Variants in AAGAB observed in about 807,000 individuals in gnomAD.
AAGAB encodes the protein alpha- and gamma-adaptin-binding protein p34.
A neutral mutation model predicts 44.1 loss-of-function variants in AAGAB; 38 were observed. That is an observed-to-expected ratio of 0.86 (90% CI 0.67 to 1.13). The LOEUF (loss-of-function observed/expected upper bound fraction) is 1.13, where lower values mean the gene tolerates loss of function less well. AAGAB is among the 50% of genes most tolerant of loss of function. The pLI is 0.00. For missense variants in AAGAB, 450 were observed against 373.8 expected (o/e 1.20, Z -1.68); for synonymous variants, 131 against 131.8 (o/e 0.99, Z 0.04).
chr15:67,203,922 T>C, intron 8 of AAGAB, 122 bp downstream of exon 8: 1 of 678,596 alleles, frequency 1.5e-6, no homozygotes, highest in South Asian at 2.2e-5. Flanking sequence ...GTAGCTAAGT[T>C]TCTCAAGACA....
At chr15:67,249,326 T>G (rs952711935) in intron 1 of AAGAB, among the ~76,000 whole-genome samples, 1 of 152,140 alleles carries the variant, frequency 6.6e-6, no homozygotes, top group Admixed American at 6.5e-5. Context: ...TGAGCCACCA[T>G]GCCTGGCCAA....
At chr15:67,228,108 T>TA (rs1964246554) in intron 5 of AAGAB, among the ~76,000 whole-genome samples, 1 of 152,216 alleles carries the variant, frequency 6.6e-6, no homozygotes, top group African/African-American at 2.4e-5. Context: ...TCCAAAGTAA[T>TA]AAAGCATGTT....
chr15:67,235,659 G>A (rs559975020), intron 4 of AAGAB, among the ~76,000 whole-genome samples: 2 of 152,264 alleles, frequency 1.3e-5, no homozygotes, highest in East Asian at 3.9e-4. Flanking sequence ...TAACTACTAC[G>A]AAGGTCTAAC....
chr15:67,214,462 T>C (rs542530604), intron 5 of AAGAB, among the ~76,000 whole-genome samples: 11 of 152,266 alleles, frequency 7.2e-5, no homozygotes, highest in African/African-American at 1.9e-4. Flanking sequence ...GGAGAATTCT[T>C]TGGTGTGTGG....
In AAGAB at chr15:67,236,388, G is replaced by A. The variant is rs1264770188; in HGVS notation, c.361+20C>T. The stretch of plus-strand genomic sequence containing the variant: ...ATGGCAAATGCATGTACCAACTACT[G>A]TCCCATCCACAGGCCTTACCATCTT... On this transcript the variant is annotated intron_variant, in intron 3 of 9. Coordinates refer to ENST00000261880, the MANE Select transcript of AAGAB (RefSeq NM_024666.5). The A allele has an allele frequency of 6.2e-7, 1 of 1,604,214 alleles. No homozygotes were observed. Among genetic ancestry groups the A allele is most frequent in the Non-Finnish European group, 8.5e-7 (1 of 1,171,288 alleles).
intron 5 of AAGAB, among the ~76,000 whole-genome samples, chr15:67,210,757 T>C (rs1054872611): frequency 2.0e-5 from 3 of 152,200 alleles, no homozygotes. Context: ...TGAGTCAGCA[T>C]CTTTAGGACA....
intron 1 of AAGAB, among the ~76,000 whole-genome samples, chr15:67,248,422 C>T (rs1202040913): frequency 6.6e-6 from 1 of 152,146 alleles, no homozygotes; most frequent in Admixed American, 6.6e-5. Context: ...AGGCAGAATC[C>T]TCTTACCACA....
At chr15:67,232,552 C>A in intron 4 of AAGAB, 2 of 401,926 alleles carry the variant, frequency 5.0e-6, no homozygotes, top group Admixed American at 2.3e-5. Context: ...GCAACACTAC[C>A]TAAGAGAGAA....
intron 1 of AAGAB, among the ~76,000 whole-genome samples, chr15:67,253,948 G>C (rs1453395449): frequency 1.3e-5 from 2 of 152,102 alleles, no homozygotes; most frequent in African/African-American, 2.4e-5. Flanking sequence ...TCTCTTTTAA[G>C]AGTTAGTAAG....
chr15:67,219,335 C>T (rs1031811848), intron 5 of AAGAB, among the ~76,000 whole-genome samples: 1 of 152,156 alleles, frequency 6.6e-6, no homozygotes, highest in African/African-American at 2.4e-5. Flanking sequence ...TTAATGTTCA[C>T]CCCTTTGGAG....
At chr15:67,221,642 C>T (rs1225205084) in intron 5 of AAGAB, among the ~76,000 whole-genome samples, 1 of 152,192 alleles carries the variant, frequency 6.6e-6, no homozygotes, top group African/African-American at 2.4e-5. Flanking sequence ...GCCAGGCAAT[C>T]AACGTCTTCA....
chr15:67,232,626 C>A, intron 4 of AAGAB: 2 of 352,364 alleles, frequency 5.7e-6, no homozygotes, highest in Non-Finnish European at 1.2e-5. Context: ...GTTCAGAACT[C>A]ATTTTGGTGG....
At chr15:67,235,938 T>C (rs1472695429) in intron 4 of AAGAB, 41 bp downstream of exon 4, 4 of 1,366,622 alleles carry the variant, frequency 2.9e-6, no homozygotes, top group African/African-American at 1.4e-5. Context: ...TAATCTCTCA[T>C]ATCTAAGTGC....
intron 7 of AAGAB, among the ~76,000 whole-genome samples, chr15:67,206,622 T>C (rs1431524468): frequency 6.6e-6 from 1 of 152,230 alleles, no homozygotes; most frequent in African/African-American, 2.4e-5. Flanking sequence ...TATGAACTCA[T>C]GGATACTTAG....
intron 5 of AAGAB, among the ~76,000 whole-genome samples, chr15:67,227,701 G>A (rs987798321): frequency 6.6e-6 from 1 of 152,128 alleles, no homozygotes; most frequent in Non-Finnish European, 1.5e-5. Flanking sequence ...AACAGCATAG[G>A]AGGTAGGTTA....
rs891680906 is a variant in AAGAB at position 67,201,140 on chromosome 15, C to A, written c.*1681G>T. The A allele has an allele frequency of 3.3e-5, 5 of 151,008 alleles. No individual in the cohort carries two copies. Among genetic ancestry groups the A allele is most frequent in the South Asian group, 4.2e-4 (2 of 4,796 alleles). The allele number at this position is 151,008 out of a possible 1,614,324, so 9.4% of individuals were successfully genotyped here. A position where few individuals can be genotyped will look rare whatever the true frequency, so the allele number is the denominator to read the frequency against. ...CTAACCAGATGGCCTAGTATATTTT[C>A]TAAAACCTTCCATCTTTTAAGGAAA... On this transcript the variant is annotated 3_prime_UTR_variant, in exon 10 of 10. Transcript: ENST00000261880.
At chr15:67,252,523 A>C (rs2140403915) in intron 1 of AAGAB, among the ~76,000 whole-genome samples, 1 of 152,350 alleles carries the variant, frequency 6.6e-6, no homozygotes, top group South Asian at 2.1e-4. Flanking sequence ...GCAATGGAAA[A>C]AAAGACTGGA....
chr15:67,231,826 C>A lies in AAGAB; in HGVS notation c.523G>T (p.Val175Leu). ...CCAAGTTACTTACCATTCTTCATCA[C>A]TACATTGGACCACACATTGGCATTC... is the stretch of plus-strand genomic sequence containing the variant. ...ALNANVWSNV[V>L]MKNDRNQGFS... Residue 175 changes from valine (V) to leucine (L), a missense_variant, in exon 5 of 10, where the codon GTG becomes TTG. Val to Leu is a conservative substitution (Grantham distance 32). Coordinates refer to ENST00000261880, the MANE Select transcript of AAGAB (RefSeq NM_024666.5). 1 of 1,611,518 alleles carries A rather than the reference C, an allele frequency of 6.2e-7. No individual in the cohort carries two copies. Among genetic ancestry groups the A allele is most frequent in the South Asian group, 1.1e-5 (1 of 91,050 alleles).
At chr15:67,247,670 T>C (rs554902793) in intron 1 of AAGAB, among the ~76,000 whole-genome samples, 1 of 152,262 alleles carries the variant, frequency 6.6e-6, no homozygotes, top group South Asian at 2.1e-4. Context: ...ATTTCACACA[T>C]CAACAATATC....
Sources: gnomAD v4.1 joint callset for allele counts (sites outside exome capture counted in the v4.1 genomes callset) on GRCh38, gnomAD v4.1.1 for gene constraint, MANE v1.5 for transcripts, NCBI Gene and HGNC (gene_info 2026-07-23, HGNC 2026-07-21) for gene names.